The following PTPRJ variants were observed in gnomAD, a reference collection of about 807,000 sequenced individuals.
PTPRJ encodes the protein protein tyrosine phosphatase receptor type J.
In PTPRJ, 129 loss-of-function variants were observed where a neutral mutation model predicts 141.3. That is an observed-to-expected ratio of 0.91 (90% confidence interval 0.79 to 1.06). The LOEUF is 1.06. Ranked by LOEUF, PTPRJ falls within the 50% of genes least tolerant of loss-of-function variation. The probability of loss-of-function intolerance (pLI) is 0.00; values close to 1 mark genes in which losing one functional copy is unlikely to be tolerated. For missense variants in PTPRJ, 1,601 were observed against 1,679.7 expected, an observed-to-expected ratio of 0.95 and a Z score of 0.82; for synonymous variants, 610 against 640.5, an observed-to-expected ratio of 0.95 and a Z score of 0.72.
intron 19 of PTPRJ, 78 bp from the exon 20 acceptor site, chr11:48,155,723 A>T: frequency 7.9e-7 from 1 of 1,262,060 alleles, no homozygotes; most frequent in Non-Finnish European, 1.1e-6. Context: ...TTTGAATTTC[A>T]TTTTTTTTTC....
intron 3 of PTPRJ, among the ~76,000 whole-genome samples, chr11:48,115,757 G>A (rs1324664928): frequency 6.6e-6 from 1 of 152,122 alleles, no homozygotes; most frequent in Non-Finnish European, 1.5e-5. Context: ...AATATAAAAA[G>A]ATGTAAATGG....
intron 1 of PTPRJ, among the ~76,000 whole-genome samples, chr11:48,006,379 T>C (rs1161862612): frequency 6.6e-6 from 1 of 151,838 alleles, no homozygotes; most frequent in Non-Finnish European, 1.5e-5. Context: ...GCTCATAATC[T>C]AGGGGCGGGG....
intron 1 of PTPRJ, among the ~76,000 whole-genome samples, chr11:48,106,743 T>A (rs1205191333): frequency 2.0e-5 from 3 of 150,386 alleles, no homozygotes; most frequent in African/African-American, 7.3e-5. Flanking sequence ...TTTTTCTTCT[T>A]TTCTTTTCTT....
intron 1 of PTPRJ, among the ~76,000 whole-genome samples, chr11:48,029,621 A>G (rs1853927359): frequency 6.6e-6 from 1 of 152,236 alleles, no homozygotes; most frequent in Non-Finnish European, 1.5e-5. Flanking sequence ...AATCCTATGC[A>G]TATATAAAGG....
intron 1 of PTPRJ, among the ~76,000 whole-genome samples, chr11:48,008,036 A>C (rs746618189): frequency 6.6e-5 from 10 of 152,092 alleles, no homozygotes; most frequent in Non-Finnish European, 1.2e-4. Flanking sequence ...TCAGTAACGT[A>C]TCTATTTTTG....
intron 10 of PTPRJ, among the ~76,000 whole-genome samples, chr11:48,138,170 G>A (rs1857148367): frequency 6.6e-6 from 1 of 152,320 alleles, no homozygotes; most frequent in South Asian, 2.1e-4. Context: ...GGTAGTATAG[G>A]AGCTCCAGCC....
chr11:48,134,884 C>T (rs1219921841), intron 8 of PTPRJ, among the ~76,000 whole-genome samples: 1 of 152,180 alleles, frequency 6.6e-6, no homozygotes, highest in Non-Finnish European at 1.5e-5. Flanking sequence ...TTCCCTTCCT[C>T]ATCCGTCCTC....
At chr11:48,011,544 G>C (rs1854789035) in intron 1 of PTPRJ, among the ~76,000 whole-genome samples, 1 of 152,240 alleles carries the variant, frequency 6.6e-6, no homozygotes, top group Non-Finnish European at 1.5e-5. Context: ...GCAGTAGAGA[G>C]TTGGGGGTAC....
At chr11:48,015,853 C>CAAAAAAA (rs34543165) in intron 1 of PTPRJ, 4 of 50,474 alleles carry the variant, frequency 7.9e-5, no homozygotes, top group Non-Finnish European at 1.3e-4. Context: ...GACTCTGTCT[C>CAAAAAAA]AAAAAAAAAA....
chr11:48,135,928 T>C, intron 8 of PTPRJ, 111 bp from the exon 9 acceptor site: 1 of 1,270,732 alleles, frequency 7.9e-7, no homozygotes, highest in Non-Finnish European at 1.1e-6. Context: ...TTTTGTGAAC[T>C]CATTAGAAAG....
chr11:48,063,357 C>G (rs541161109), intron 1 of PTPRJ, among the ~76,000 whole-genome samples: 3 of 152,174 alleles, frequency 2.0e-5, no homozygotes, highest in South Asian at 4.2e-4. Flanking sequence ...ACAACAAGAA[C>G]AAAAGAAAAA....
chr11:48,107,344 A>G (rs923896830), intron 1 of PTPRJ, among the ~76,000 whole-genome samples: 1 of 152,182 alleles, frequency 6.6e-6, no homozygotes, highest in Non-Finnish European at 1.5e-5. Context: ...AGTTCTAGCA[A>G]TGAACAAGGC....
intron 18 of PTPRJ, among the ~76,000 whole-genome samples, chr11:48,150,689 G>A (rs1857460874): frequency 1.3e-5 from 2 of 152,326 alleles, no homozygotes; most frequent in South Asian, 4.1e-4. Context: ...TGGCTTGTGA[G>A]GCTCACTTCT....
chr11:48,014,241 A>AG (rs891891705), intron 1 of PTPRJ, among the ~76,000 whole-genome samples: 2 of 152,118 alleles, frequency 1.3e-5, no homozygotes, highest in African/African-American at 4.8e-5. Context: ...TGTGAGGAAA[A>AG]GGGGAGGTAT....
chr11:48,058,469 T>A (rs1427468394), intron 1 of PTPRJ, among the ~76,000 whole-genome samples: 1 of 152,178 alleles, frequency 6.6e-6, no homozygotes, highest in Non-Finnish European at 1.5e-5. Context: ...TGCCTTGGCC[T>A]GCTAAAGTGC....
At chr11:47,989,110 C>T (rs1181642040) in intron 1 of PTPRJ, among the ~76,000 whole-genome samples, 10 of 150,952 alleles carry the variant, frequency 6.6e-5, no homozygotes, top group Non-Finnish European at 1.0e-4. Flanking sequence ...GTCTCGATCT[C>T]CTGACCTTGT....
intron 1 of PTPRJ, among the ~76,000 whole-genome samples, chr11:48,054,885 G>A (rs909644378): frequency 2.0e-5 from 3 of 151,308 alleles, no homozygotes; most frequent in Non-Finnish European, 1.5e-5. Context: ...CTGAAGGGGG[G>A]TATATAAAGC....
In PTPRJ at chr11:48,126,811, C is replaced by T. The variant is rs1008983395; in HGVS notation, c.1094-969C>T. Among the ~76,000 whole-genome samples, 44 of 128,870 alleles carry T rather than the reference C, an allele frequency of 3.4e-4. No homozygotes were observed. The South Asian group carries it at 6.8e-3, about 20-fold the overall frequency. 84.5% of individuals were successfully genotyped at this position (128,870 alleles called of 152,430 possible). ...ACACACACACACACACACACACACA[C>T]ACACACACAGATAAACACACATTTC... On this transcript the variant is annotated intron_variant, in intron 6 of 24. Coordinates refer to ENST00000418331, the MANE Select transcript of PTPRJ (RefSeq NM_002843.4).
intron 1 of PTPRJ, among the ~76,000 whole-genome samples, chr11:48,029,979 C>A (rs1217572343): frequency 6.6e-6 from 1 of 152,158 alleles, no homozygotes; most frequent in Non-Finnish European, 1.5e-5. Context: ...TCCGGTAAGA[C>A]AGGGGGAAAT....
Sources: gnomAD v4.1 joint callset for allele counts (sites outside exome capture counted in the v4.1 genomes callset) on GRCh38, gnomAD v4.1.1 for gene constraint, MANE v1.5 for transcripts, NCBI Gene and HGNC (gene_info 2026-07-23, HGNC 2026-07-21) for gene names.